CXCL8: variants seen among roughly 807,000 people sequenced by gnomAD.
CXCL8 encodes C-X-C motif chemokine ligand 8.
A neutral mutation model predicts 10.9 loss-of-function variants in CXCL8; 12 were observed. The observed-to-expected ratio is 1.10, with a 90% confidence interval of 0.71 to 1.79. CXCL8 has a LOEUF of 1.79. Among genes scored for constraint, CXCL8 ranks in the 40% most tolerant of loss-of-function variants. The pLI is 0.00. For missense variants in CXCL8, 145 were observed against 113.4 expected, an observed-to-expected ratio of 1.28 and a Z score of -1.26; for synonymous variants, 41 against 39.6, an observed-to-expected ratio of 1.03 and a Z score of -0.13.
At chr4:73,740,812 C>T in intron 1 of CXCL8, 90 bp downstream of exon 1, 1 of 1,028,926 alleles carries the variant, frequency 9.7e-7, no homozygotes, top group African/African-American at 1.6e-5. Context: ...TGGTAACAAA[C>T]ATCCTTTTTA....
intron 3 of CXCL8, 45 bp from the exon 4 acceptor site, chr4:73,742,401 CCTT>C: frequency 1.1e-6 from 1 of 939,394 alleles, no homozygotes; most frequent in South Asian, 1.6e-5. Flanking sequence ...ACCCTACTTT[CCTT>C]CTTATTAAAC....
chr4:73,742,085 T>TC (rs1227046817), intron 3 of CXCL8, 53 bp downstream of exon 3: 6 of 1,071,698 alleles, frequency 5.6e-6, no homozygotes, highest in East Asian at 5.3e-5. Flanking sequence ...AGACATATAA[T>TC]CCAAAGTCAG....
intron 1 of CXCL8, 134 bp from the exon 2 acceptor site, chr4:73,741,408 T>C (rs1729168990): frequency 2.5e-6 from 2 of 795,706 alleles, no homozygotes; most frequent in Non-Finnish European, 4.0e-6. Flanking sequence ...TAGGAGAATA[T>C]TCAGGAATGA....
chr4:73,741,931 A>T lies in CXCL8; in HGVS notation c.201-18A>T. The T allele has an allele frequency of 6.5e-7, 1 of 1,549,196 alleles. No individual in the cohort carries two copies. The highest frequency in any genetic ancestry group is 8.9e-7 in the Non-Finnish European group (1 of 1,122,660). On this transcript the variant is annotated intron_variant, in intron 2 of 3. Transcript: ENST00000307407. ...CAAAAACTAAATATTAATCTGAACC[A>T]TTTCTTTCTTATTTCAGTGTAAAGC...
chr4:73,740,994 T>C (rs1419359159), intron 1 of CXCL8, among the ~76,000 whole-genome samples: 1 of 152,204 alleles, frequency 6.6e-6, no homozygotes, highest in Non-Finnish European at 1.5e-5. Context: ...ATTTATAGTA[T>C]GTCCTATTGA....
In CXCL8 at chr4:73,741,670, G is replaced by T. The variant is rs1258776871; in HGVS notation, c.193G>T (p.Glu65Ter). The T allele has an allele frequency of 6.2e-7, 1 of 1,609,918 alleles. No homozygotes were observed. The highest frequency in any genetic ancestry group is 8.5e-7 in the Non-Finnish European group (1 of 1,178,542). ...IESGPHCANT[E>*]IIVKLSDGRE... ...GAGTGGACCACACTGCGCCAACACA[G>T]AAATTATGTAAGTACTTTAAAAAAG... Residue 65 changes from glutamate (E) to a stop codon, truncating the protein, a stop_gained, in exon 2 of 4, where the codon GAA becomes TAA. Coordinates refer to ENST00000307407, the MANE Select transcript of CXCL8 (RefSeq NM_000584.4). LOFTEE classifies it high-confidence loss of function.
rs201217708 is a variant in CXCL8 at position 73,740,630 on chromosome 4, C to T, written c.-29C>T. On this transcript the variant is annotated 5_prime_UTR_variant, in exon 1 of 4. Coordinates refer to ENST00000307407, the MANE Select transcript of CXCL8 (RefSeq NM_000584.4). ...AGGACAAGAGCCAGGAAGAAACCAC[C>T]GGAAGGAACCATCTCACTGTGTGTA... The T allele has an allele frequency of 1.7e-4, 278 of 1,607,400 alleles. No homozygotes were observed. The highest frequency in any genetic ancestry group is 2.3e-4 in the Non-Finnish European group (265 of 1,175,272).
Position 73,742,448 on chromosome 4 carries a change from G to A in CXCL8, c.285-1G>A. On this transcript the variant is annotated splice_acceptor_variant, in intron 3 of 3. Coordinates refer to ENST00000307407, the MANE Select transcript of CXCL8 (RefSeq NM_000584.4). LOFTEE classifies it high-confidence loss of function. ...TCTTTATATTTTTAATTTTATTTTA[G>A]GGCTGAGAATTCATAAAAAAATTCA... The A allele has an allele frequency of 7.1e-7, 1 of 1,411,550 alleles. No homozygotes were observed. The highest frequency in any genetic ancestry group is 9.9e-7 in the Non-Finnish European group (1 of 1,014,068). The allele number at this position is 1,411,550 out of a possible 1,614,324, so 87.4% of individuals were successfully genotyped here. A position where few individuals can be genotyped will look rare whatever the true frequency, so the allele number is the denominator to read the frequency against.
At position 73,742,531 on chromosome 4, in the gene CXCL8, T is replaced by G. The variant is rs1010750100; in HGVS notation, c.*67T>G. The G allele has an allele frequency of 3.2e-6, 3 of 926,834 alleles. No homozygotes were observed. The East Asian group carries it at 7.6e-5, about 23-fold the overall frequency. 57.4% of individuals were successfully genotyped at this position (926,834 alleles called of 1,614,324 possible). ...CCAGTGAAACTTCAAGCAAATCTAC[T>G]TCAACACTTCATGTATTGTGTGGGT... On this transcript the variant is annotated 3_prime_UTR_variant, in exon 4 of 4. Transcript: ENST00000307407.
intron 1 of CXCL8, among the ~76,000 whole-genome samples, chr4:73,741,236 A>G (rs1729163275): frequency 6.6e-6 from 1 of 152,212 alleles, no homozygotes; most frequent in Non-Finnish European, 1.5e-5. Flanking sequence ...ACTATAAATA[A>G]CACTGTGGTA....
chr4:73,741,949 T>C lies in CXCL8; in HGVS notation c.201T>C (p.Ile67=). Reference sequence around the variant, plus strand: ...CTGAACCATTTCTTTCTTATTTCAGTGTAAAGCTTTCTGATGGAAGAGAGC... The same window carrying C: ...CTGAACCATTTCTTTCTTATTTCAGCGTAAAGCTTTCTGATGGAAGAGAGC... ...SGPHCANTEI[I]VKLSDGRELC... The change falls in exon 3 of 4, where the codon ATT becomes ATC. Residue 67 remains isoleucine (I), a splice_region_variant and synonymous_variant. Coordinates refer to ENST00000307407, the MANE Select transcript of CXCL8 (RefSeq NM_000584.4). 2 of 1,597,940 alleles carry C rather than the reference T, an allele frequency of 1.3e-6. No individual in the cohort carries two copies. Among genetic ancestry groups the C allele is most frequent in the Non-Finnish European group, 1.7e-6 (2 of 1,165,952 alleles).
chr4:73,743,661 A>T lies in CXCL8; in HGVS notation c.*1197A>T, dbSNP rs1337918714. 5.0e-6 allele frequency: 1 copy of T among 200,164 alleles called. No individual in the cohort carries two copies. The highest frequency in any genetic ancestry group is 1.0e-5 in the Non-Finnish European group (1 of 97,716). 12.4% of individuals were successfully genotyped at this position (200,164 alleles called of 1,614,324 possible). ...AATTTTTTTTACTGTTTCTGATTGT[A>T]TGGAAATATAAAAGTAAATATGAAA... On this transcript the variant is annotated 3_prime_UTR_variant, in exon 4 of 4. Coordinates refer to ENST00000307407, the MANE Select transcript of CXCL8 (RefSeq NM_000584.4).
chr4:73,743,199 A>G lies in CXCL8; in HGVS notation c.*735A>G, dbSNP rs1416457931. ...AAGATGAATCATTGATTGAATAGTT[A>G]TAAAGATGTTATAGTAAATTTATTT... is the stretch of plus-strand genomic sequence containing the variant. On this transcript the variant is annotated 3_prime_UTR_variant, in exon 4 of 4. Transcript: ENST00000307407. 4.5e-6 allele frequency: 1 copy of G among 223,074 alleles called. No homozygotes were observed. The highest frequency in any genetic ancestry group is 8.9e-6 in the Non-Finnish European group (1 of 111,958). 13.8% of individuals were successfully genotyped at this position (223,074 alleles called of 1,614,324 possible).
Position 73,742,690 on chromosome 4 carries a change from A to G in CXCL8, c.*226A>G, listed in dbSNP as rs1729214383. Reference sequence around the variant, plus strand: ...TGTAAAGTATTATTTATTTGAATCTACAAAAAACAACAAATAATTTTTAAA... The same window carrying G: ...TGTAAAGTATTATTTATTTGAATCTGCAAAAAACAACAAATAATTTTTAAA... On this transcript the variant is annotated 3_prime_UTR_variant, in exon 4 of 4. Transcript: ENST00000307407. The G allele has an allele frequency of 8.3e-6, 3 of 362,992 alleles. No individual in the cohort carries two copies. The highest frequency in any genetic ancestry group is 4.7e-5 in the Admixed American group (1 of 21,114). The allele number at this position is 362,992 out of a possible 1,614,324, so 22.5% of individuals were successfully genotyped here. A position where few individuals can be genotyped will look rare whatever the true frequency, so the allele number is the denominator to read the frequency against.
Position 73,742,895 on chromosome 4 carries a change from T to G in CXCL8, c.*431T>G, listed in dbSNP as rs201581203. On this transcript the variant is annotated 3_prime_UTR_variant, in exon 4 of 4. Transcript: ENST00000307407. ...ATTTTGCCATAAAGTCAAATTTAGCTGGAAATCCTGGATTTTTTTCTGTTA... is the reference window on the plus strand; with the variant it reads ...ATTTTGCCATAAAGTCAAATTTAGCGGGAAATCCTGGATTTTTTTCTGTTA... 7.8e-5 allele frequency: 18 copies of G among 231,212 alleles called. No individual in the cohort carries two copies. The highest frequency in any genetic ancestry group is 1.1e-4 in the Non-Finnish European group (13 of 116,866). The allele number at this position is 231,212 out of a possible 1,614,324, so 14.3% of individuals were successfully genotyped here.
chr4:73,741,622 A>G lies in CXCL8; in HGVS notation c.145A>G (p.Ile49Val), dbSNP rs1476633570. ...TYSKPFHPKF[I>V]KELRVIESGP... ...CTCCAAACCTTTCCACCCCAAATTT[A>G]TCAAAGAACTGAGAGTGATTGAGAG... The change falls in exon 2 of 4, where the codon ATC (isoleucine) becomes GTC (valine). Residue 49 changes from isoleucine (I) to valine (V), a missense_variant. By Grantham distance (29) the Ile-to-Val change is conservative (BLOSUM62 3). Transcript: ENST00000307407. 3.1e-6 allele frequency: 5 copies of G among 1,613,492 alleles called. No homozygotes were observed. The highest frequency in any genetic ancestry group is 2.2e-5 in the East Asian group (1 of 44,868).
chr4:73,740,694 C>A lies in CXCL8; in HGVS notation c.36C>A (p.Ala12=). 6.2e-7 allele frequency: 1 copy of A among 1,613,750 alleles called. No individual in the cohort carries two copies. Among genetic ancestry groups the A allele is most frequent in the Non-Finnish European group, 8.5e-7 (1 of 1,179,742 alleles). The change falls in exon 1 of 4, where the codon GCC becomes GCA. Residue 12 remains alanine (A), a synonymous_variant. Coordinates refer to ENST00000307407, the MANE Select transcript of CXCL8 (RefSeq NM_000584.4). ...TSKLAVALLA[A]FLISAALCEG... Reference sequence around the variant, plus strand: ...AGCTGGCCGTGGCTCTCTTGGCAGCCTTCCTGATTTCTGCAGCTCTGTGTG... The same window carrying A: ...AGCTGGCCGTGGCTCTCTTGGCAGCATTCCTGATTTCTGCAGCTCTGTGTG...
chr4:73,742,233 T>C lies in CXCL8; in HGVS notation c.284+201T>C, dbSNP rs1729194751. 3 of 581,158 alleles carry C rather than the reference T, an allele frequency of 5.2e-6. No individual in the cohort carries two copies. In the South Asian group the frequency reaches 7.5e-5, roughly 14 times the overall value. The allele number at this position is 581,158 out of a possible 1,614,324, so 36.0% of individuals were successfully genotyped here. ...CATACATAGTTTGCCCAGGAAATTC[T>C]GGGTTTAAGCTTGTGTCCTATACTC... On this transcript the variant is annotated intron_variant, in intron 3 of 3. Transcript: ENST00000307407.
chr4:73,742,232 C>G, intron 3 of CXCL8, 200 bp downstream of exon 3: 1 of 580,400 alleles, frequency 1.7e-6, no homozygotes, highest in East Asian at 2.9e-5. Flanking sequence ...CCAGGAAATT[C>G]TGGGTTTAAG....
Sources: allele counts gnomAD v4.1 joint callset (sites outside exome capture counted in the v4.1 genomes callset), GRCh38; gene constraint gnomAD v4.1.1; transcripts MANE v1.5; gene names NCBI Gene and HGNC (gene_info 2026-07-23, HGNC 2026-07-21).